Variants in DAZAP2 observed in about 807,000 individuals in gnomAD.
DAZAP2 encodes the protein DAZ associated protein 2.
Under a neutral mutation model 16.2 loss-of-function variants are expected in DAZAP2, and 3 were observed. The observed-to-expected ratio is 0.19, with a 90% CI of 0.08 to 0.48. The LOEUF is 0.48. Ranked by LOEUF, DAZAP2 falls within the 20% of genes least tolerant of loss-of-function variation. The pLI is 0.98. For missense variants in DAZAP2, 172 were observed against 215.9 expected (o/e 0.80, Z 1.27); for synonymous variants, 69 against 77.6 (o/e 0.89, Z 0.58).
rs944972191 is a variant in DAZAP2 at position 51,238,849 on chromosome 12, G to A, written c.-59G>A. On this transcript the variant is annotated 5_prime_UTR_variant, in exon 1 of 4. Coordinates refer to ENST00000412716, the MANE Select transcript of DAZAP2 (RefSeq NM_014764.4). Reference sequence around the variant, plus strand: ...GTGACACGGAAGTAGCTCCGAACAGGAAGAGGACGAAAAAAATAACCGTCC... The same window carrying A: ...GTGACACGGAAGTAGCTCCGAACAGAAAGAGGACGAAAAAAATAACCGTCC... The A allele has an allele frequency of 3.1e-6, 5 of 1,611,990 alleles. No homozygotes were observed. Among genetic ancestry groups the A allele is most frequent in the Non-Finnish European group, 4.2e-6 (5 of 1,179,668 alleles).
downstream of DAZAP2, chr12:51,245,153 T>TC (rs1448731092): frequency 6.6e-6 from 1 of 152,106 alleles, no homozygotes; most frequent in African/African-American, 2.4e-5. Flanking sequence ...CTAATGATGT[T>TC]CCCCTGGAAC....
At position 51,243,884 on chromosome 12, in the gene DAZAP2, T is replaced by TG. The variant is rs1335118179; in HGVS notation, c.*1426_*1427insG. Reference sequence around the variant, plus strand: ...GAATTCAGCTAGGTGCTGCTGCTGCTCTGTTTCCTTTGATGACGCTTTGAA... The same window carrying TG: ...GAATTCAGCTAGGTGCTGCTGCTGCTGCTGTTTCCTTTGATGACGCTTTGAA... On this transcript the variant is annotated 3_prime_UTR_variant, in exon 4 of 4. Transcript: ENST00000412716. The TG allele has an allele frequency of 1.0e-6, 1 of 985,286 alleles. No individual in the cohort carries two copies. The highest frequency in any genetic ancestry group is 1.2e-6 in the Non-Finnish European group (1 of 829,910). 61.0% of individuals were successfully genotyped at this position (985,286 alleles called of 1,614,324 possible). A position where few individuals can be genotyped will look rare whatever the true frequency, so the allele number is the denominator to read the frequency against.
chr12:51,239,308 A>C, intron 1 of DAZAP2: 1 of 227,516 alleles, frequency 4.4e-6, no homozygotes. Context: ...GAATTGCTGG[A>C]GTTGGTTCGT....
chr12:51,243,459 T>A lies in DAZAP2; in HGVS notation c.*1001T>A, dbSNP rs1379950691. On this transcript the variant is annotated 3_prime_UTR_variant, in exon 4 of 4. Coordinates refer to ENST00000412716, the MANE Select transcript of DAZAP2 (RefSeq NM_014764.4). ...CCCCAGAATTCCTAGACTGGGTTAA[T>A]AGGGTCATATTGTGAATGTCTCACT... The A allele has an allele frequency of 3.0e-6, 3 of 985,746 alleles. No individual in the cohort carries two copies. Among genetic ancestry groups the A allele is most frequent in the Non-Finnish European group, 2.4e-6 (2 of 829,950 alleles). The allele number at this position is 985,746 out of a possible 1,614,324, so 61.1% of individuals were successfully genotyped here.
chr12:51,242,707 C>T lies in DAZAP2; in HGVS notation c.*249C>T, dbSNP rs1345866857. 9 of 1,478,794 alleles carry T rather than the reference C, an allele frequency of 6.1e-6. No individual in the cohort carries two copies. The South Asian group carries it at 1.3e-4, about 21-fold the overall frequency. The allele number at this position is 1,478,794 out of a possible 1,614,324, so 91.6% of individuals were successfully genotyped here. ...CATAAAATGAATGTGGGTGAAGCCG[C>T]CCTAAGGATTTTCCTTTAATTTCTC... On this transcript the variant is annotated 3_prime_UTR_variant, in exon 4 of 4. Transcript: ENST00000412716.
At position 51,241,115 on chromosome 12, in the gene DAZAP2, C is replaced by T; in HGVS notation, c.377C>T (p.Pro126Leu). Residue 126 changes from proline to leucine, a missense_variant and splice_region_variant, in exon 3 of 4, where the codon CCT (proline) becomes CTT (leucine). Physicochemically the swap from Pro to Leu is moderately conservative, Grantham distance 98. Coordinates refer to ENST00000412716, the MANE Select transcript of DAZAP2 (RefSeq NM_014764.4). ...FGAGATAGNI[P>L]PPPPGCPPNA... ...GCTGGGGCTACTGCTGGCAACATTC[C>T]TGTGAGTATGACCTCATCAGAAGAA... The T allele has an allele frequency of 1.9e-6, 3 of 1,614,034 alleles. No individual in the cohort carries two copies. Among genetic ancestry groups the T allele is most frequent in the Non-Finnish European group, 2.5e-6 (3 of 1,179,938 alleles).
chr12:51,239,043 C>T, intron 1 of DAZAP2, 123 bp downstream of exon 1: 1 of 1,425,238 alleles, frequency 7.0e-7, no homozygotes, highest in Non-Finnish European at 9.4e-7. Context: ...CCTTGGCCGG[C>T]TGCAGTCCAG....
In DAZAP2 at chr12:51,243,469, T is replaced by C. The variant is rs1434131204; in HGVS notation, c.*1011T>C. 1.0e-6 allele frequency: 1 copy of C among 985,774 alleles called. No homozygotes were observed. The highest frequency in any genetic ancestry group is 1.2e-6 in the Non-Finnish European group (1 of 829,952). The allele number at this position is 985,774 out of a possible 1,614,324, so 61.1% of individuals were successfully genotyped here. A position where few individuals can be genotyped will look rare whatever the true frequency, so the allele number is the denominator to read the frequency against. ...CCTAGACTGGGTTAATAGGGTCATATTGTGAATGTCTCACTACAAAATGAC... is the reference window on the plus strand; with the variant it reads ...CCTAGACTGGGTTAATAGGGTCATACTGTGAATGTCTCACTACAAAATGAC... On this transcript the variant is annotated 3_prime_UTR_variant, in exon 4 of 4. Coordinates refer to ENST00000412716, the MANE Select transcript of DAZAP2 (RefSeq NM_014764.4).
chr12:51,240,549 A>T, intron 2 of DAZAP2, 88 bp downstream of exon 2: 1 of 1,201,460 alleles, frequency 8.3e-7, no homozygotes, highest in Non-Finnish European at 1.2e-6. Flanking sequence ...TCACATATTT[A>T]CTCTTCACAA....
chr12:51,239,086 A>G, intron 1 of DAZAP2, 166 bp downstream of exon 1: 3 of 954,988 alleles, frequency 3.1e-6, no homozygotes, highest in East Asian at 2.8e-5. Context: ...TCATACCCAA[A>G]TTACGGCAGC....
Position 51,240,313 on chromosome 12 carries a change from G to A in DAZAP2, c.14-30G>A. The A allele has an allele frequency of 1.9e-6, 3 of 1,582,998 alleles. No homozygotes were observed. In the South Asian group the frequency reaches 3.3e-5, roughly 18 times the overall value. ...CTCATTTTGGTAGCTCTGTGTAGTA[G>A]GCAACCTTCATTTTTTTCTTGTCTT... On this transcript the variant is annotated intron_variant, in intron 1 of 3. Transcript: ENST00000412716.
Position 51,242,831 on chromosome 12 carries a change from A to G in DAZAP2, c.*373A>G, listed in dbSNP as rs1235409481. On this transcript the variant is annotated 3_prime_UTR_variant, in exon 4 of 4. Transcript: ENST00000412716. Reference sequence around the variant, plus strand: ...ATCTTCCTAAGAATTAAAGTTGCCAAATTATTCTGATTGGTCTTTAATCTC... The same window carrying G: ...ATCTTCCTAAGAATTAAAGTTGCCAGATTATTCTGATTGGTCTTTAATCTC... 1.4e-6 allele frequency: 2 copies of G among 1,385,706 alleles called. No individual in the cohort carries two copies. Among genetic ancestry groups the G allele is most frequent in the African/African-American group, 2.9e-5 (2 of 67,846 alleles). The allele number at this position is 1,385,706 out of a possible 1,614,324, so 85.8% of individuals were successfully genotyped here.
At chr12:51,239,003 C>T in intron 1 of DAZAP2, 83 bp downstream of exon 1, 1 of 1,581,100 alleles carries the variant, frequency 6.3e-7, no homozygotes, top group South Asian at 1.1e-5. Flanking sequence ...GGTCACCAAA[C>T]GCCAGGTTTG....
chr12:51,245,260 G>A (rs1032966163), downstream of DAZAP2: 5 of 152,302 alleles, frequency 3.3e-5, no homozygotes, highest in African/African-American at 1.2e-4. Flanking sequence ...GAGAACATAT[G>A]TAAAGGCGTT....
chr12:51,246,635 T>C (rs1944775734), downstream of DAZAP2: 7 of 623,858 alleles, frequency 1.1e-5, no homozygotes, highest in Admixed American at 1.0e-4. Flanking sequence ...TGTGTGTGTG[T>C]GTGTAATATA....
chr12:51,240,517 T>C (rs1944655874), intron 2 of DAZAP2, 56 bp downstream of exon 2: 3 of 1,389,166 alleles, frequency 2.2e-6, no homozygotes, highest in South Asian at 2.3e-5. Flanking sequence ...GGTGGTCCTT[T>C]AGTCCTTAGC....
rs537613123 is a variant in DAZAP2 at position 51,243,634 on chromosome 12, G to C, written c.*1176G>C. ...TCTAAATTGTGTGTTCTGTACATGTGATGTTTGACTGTACCATTGACTGTT... is the reference window on the plus strand; with the variant it reads ...TCTAAATTGTGTGTTCTGTACATGTCATGTTTGACTGTACCATTGACTGTT... On this transcript the variant is annotated 3_prime_UTR_variant, in exon 4 of 4. Coordinates refer to ENST00000412716, the MANE Select transcript of DAZAP2 (RefSeq NM_014764.4). The C allele has an allele frequency of 1.0e-6, 1 of 985,666 alleles. No individual in the cohort carries two copies. The highest frequency in any genetic ancestry group is 1.7e-5 in the African/African-American group (1 of 57,286). 61.1% of individuals were successfully genotyped at this position (985,666 alleles called of 1,614,324 possible). A position where few individuals can be genotyped will look rare whatever the true frequency, so the allele number is the denominator to read the frequency against.
rs149578797 is a variant in DAZAP2, at chr12:51,242,389, C to T, written c.438C>T (p.Asn146=). 2.3e-5 allele frequency: 37 copies of T among 1,613,858 alleles called. No homozygotes were observed. The African/African-American group carries it at 3.6e-4, about 16-fold the overall frequency. The change falls in exon 4 of 4, where the codon AAC becomes AAT. Residue 146 remains asparagine (N), a synonymous_variant. Transcript: ENST00000412716. ...AAQLAVMQGA[N]VLVTQRKGNF... ...AGCTTGCAGTCATGCAGGGAGCCAA[C>T]GTCCTCGTAACTCAGCGGAAGGGGA...
Position 51,243,261 on chromosome 12 carries a change from TGTC to T in DAZAP2, c.*806_*808del, listed in dbSNP as rs891278165. ...AAACTGAGCTATGTTTGAACAAAGATGTCGTGCAAACTGTACTGTGAACAACAG... is the reference window on the plus strand; with the variant it reads ...AAACTGAGCTATGTTTGAACAAAGATGTGCAAACTGTACTGTGAACAACAG... On this transcript the variant is annotated 3_prime_UTR_variant, in exon 4 of 4. Coordinates refer to ENST00000412716, the MANE Select transcript of DAZAP2 (RefSeq NM_014764.4). The T allele has an allele frequency of 1.2e-5, 12 of 985,908 alleles. No individual in the cohort carries two copies. The South Asian group carries it at 3.3e-4, about 27-fold the overall frequency. The allele number at this position is 985,908 out of a possible 1,614,324, so 61.1% of individuals were successfully genotyped here. A position where few individuals can be genotyped will look rare whatever the true frequency, so the allele number is the denominator to read the frequency against.
Sources: allele counts gnomAD v4.1 joint callset, GRCh38; gene constraint gnomAD v4.1.1; transcripts MANE v1.5; gene names NCBI Gene and HGNC (gene_info 2026-07-23, HGNC 2026-07-21).